GOSR2: variants seen among roughly 807,000 people sequenced by gnomAD.
The protein encoded by GOSR2 is golgi SNAP receptor complex member 2, also known as 27 kDa Golgi SNARE protein.
GOSR2 carries 20 observed loss-of-function variants against 27.9 expected under a neutral mutation model. That is an observed-to-expected ratio of 0.72 (90% CI 0.50 to 1.04). The LOEUF (loss-of-function observed/expected upper bound fraction) is 1.04. GOSR2 is among the 50% of genes least tolerant of loss of function. The pLI is 0.00. For missense variants in GOSR2, 261 were observed against 270.5 expected (o/e 0.97, Z 0.25); for synonymous variants, 91 against 98.8 (o/e 0.92, Z 0.47).
chr17:46,954,412 A>G (rs1186576512), intron 6 of GOSR2, among the ~76,000 whole-genome samples: 1 of 152,220 alleles, frequency 6.6e-6, no homozygotes, highest in Non-Finnish European at 1.5e-5. Context: ...TGTTGGTACC[A>G]GTACCATGCT....
At chr17:46,927,470 C>T (rs1335309975) in intron 1 of GOSR2, among the ~76,000 whole-genome samples, 2 of 152,050 alleles carry the variant, frequency 1.3e-5, no homozygotes, top group African/African-American at 4.8e-5. Flanking sequence ...TTCTGTAACC[C>T]GAGGTCATTT....
downstream of GOSR2, chr17:46,968,718 A>C (rs750267797): frequency 6.6e-6 from 1 of 152,432 alleles, no homozygotes; most frequent in Admixed American, 6.5e-5. Flanking sequence ...GCACCTCTAC[A>C]ATGGCCATGC....
At position 46,932,199 on chromosome 17, in the gene GOSR2, C is replaced by T. The variant is rs755211944; in HGVS notation, c.336C>T (p.Asn112=). The T allele has an allele frequency of 9.9e-6, 16 of 1,614,026 alleles. No individual in the cohort carries two copies. Among genetic ancestry groups the T allele is most frequent in the East Asian group, 4.5e-5 (2 of 44,886 alleles). Reference sequence around the variant, plus strand: ...TTCTGTCTCGAACCTTCACCACTAACGTAAGCCAGGCCCGTGGTGAGGGTC... The same window carrying T: ...TTCTGTCTCGAACCTTCACCACTAATGTAAGCCAGGCCCGTGGTGAGGGTC... The part of the protein sequence containing the change: ...EELLSRTFTT[N]DSDTTIPMDE... Residue 112 remains asparagine, a splice_region_variant and synonymous_variant, in exon 4 of 6, where the codon AAC becomes AAT. Coordinates refer to ENST00000640051, the MANE Select transcript of GOSR2 (RefSeq NM_004287.5).
chr17:46,941,449 A>T lies in GOSR2; in HGVS notation c.*2689A>T. 1 of 983,990 alleles carries T rather than the reference A, an allele frequency of 1.0e-6. No individual in the cohort carries two copies. The highest frequency in any genetic ancestry group is 1.7e-5 in the African/African-American group (1 of 57,328). The allele number at this position is 983,990 out of a possible 1,614,324, so 61.0% of individuals were successfully genotyped here. ...GTTTCTAGGCCAGAGATTCTCAAACACTGCTCCATGGCCAGGGGCTGGGCT... is the reference window on the plus strand; with the variant it reads ...GTTTCTAGGCCAGAGATTCTCAAACTCTGCTCCATGGCCAGGGGCTGGGCT... On this transcript the variant is annotated 3_prime_UTR_variant, in exon 6 of 6. Transcript: ENST00000640051.
In GOSR2 at chr17:46,940,366, A is replaced by T; in HGVS notation, c.*1606A>T. ...TGGGTTGGGGCCCTGCCAGAGTTAAAGCAGTGACTGGAGGGTGGACTGGGG... is the reference window on the plus strand; with the variant it reads ...TGGGTTGGGGCCCTGCCAGAGTTAATGCAGTGACTGGAGGGTGGACTGGGG... On this transcript the variant is annotated 3_prime_UTR_variant, in exon 6 of 6. Transcript: ENST00000640051. 1.3e-6 allele frequency: 2 copies of T among 1,503,186 alleles called. No homozygotes were observed. Among genetic ancestry groups the T allele is most frequent in the South Asian group, 2.6e-5 (2 of 78,190 alleles). The allele number at this position is 1,503,186 out of a possible 1,614,324, so 93.1% of individuals were successfully genotyped here.
chr17:46,974,497 G>A lies in GOSR2; in HGVS notation c.616-702G>A, dbSNP rs2091426093. The stretch of plus-strand genomic sequence containing the variant: ...CGCCTGTAATCCCAGCACTTTGGGA[G>A]GCCGAGGCGGGTGGATCACAAGGTC... On this transcript the variant is annotated intron_variant, in intron 6 of 6. Coordinates refer to the GOSR2 transcript ENST00000640723. 2.6e-5 allele frequency among the ~76,000 whole-genome samples: 4 copies of A among 152,340 alleles called. No homozygotes were observed. In the South Asian group the frequency reaches 8.3e-4, roughly 32 times the overall value.
At chr17:46,945,200 T>C (rs1445350653), downstream of GOSR2, among the ~76,000 whole-genome samples, 1 of 152,194 alleles carries the variant, frequency 6.6e-6, no homozygotes, top group African/African-American at 2.4e-5. Flanking sequence ...CAGCCCTGGC[T>C]GCTGTGGGCT....
At chr17:46,953,701 T>C (rs764184614) in intron 6 of GOSR2, among the ~76,000 whole-genome samples, 35 of 152,192 alleles carry the variant, frequency 2.3e-4, no homozygotes, top group Non-Finnish European at 4.6e-4. Flanking sequence ...CCAGCAGCTG[T>C]TGTTTCCTGA....
At chr17:46,954,848 T>C (rs1318954879) in intron 6 of GOSR2, among the ~76,000 whole-genome samples, 1 of 152,234 alleles carries the variant, frequency 6.6e-6, no homozygotes, top group Non-Finnish European at 1.5e-5. Context: ...AGAATGCTTG[T>C]GATTTTTGCA....
rs890030132 is a variant in GOSR2, at chr17:46,939,665, C to G, written c.*905C>G. ...TTCTCTTCCCTGAAATATATTAGCA[C>G]CTGCCAGCCAGGCCCTCATTTTGCC... On this transcript the variant is annotated 3_prime_UTR_variant, in exon 6 of 6. Transcript: ENST00000640051. 3 of 985,540 alleles carry G rather than the reference C, an allele frequency of 3.0e-6. No homozygotes were observed. Among genetic ancestry groups the G allele is most frequent in the Non-Finnish European group, 3.6e-6 (3 of 830,100 alleles). The allele number at this position is 985,540 out of a possible 1,614,324, so 61.0% of individuals were successfully genotyped here.
Position 46,939,030 on chromosome 17 carries a change from G to T in GOSR2, c.*270G>T. ...CTCACTCTCGCTCTCACTGGGGGAG[G>T]GAAAGAATGGCTTTGGTGGCTTTGT... On this transcript the variant is annotated 3_prime_UTR_variant, in exon 6 of 6. Coordinates refer to ENST00000640051, the MANE Select transcript of GOSR2 (RefSeq NM_004287.5). 7.8e-7 allele frequency: 1 copy of T among 1,288,750 alleles called. No homozygotes were observed. Among genetic ancestry groups the T allele is most frequent in the African/African-American group, 1.5e-5 (1 of 65,806 alleles). The allele number at this position is 1,288,750 out of a possible 1,614,324, so 79.8% of individuals were successfully genotyped here.
At chr17:46,923,344 C>T (rs1822818585) in intron 1 of GOSR2, 123 bp downstream of exon 1, 6 of 1,522,690 alleles carry the variant, frequency 3.9e-6, no homozygotes, top group Non-Finnish European at 5.3e-6. Context: ...CAGGGCACTG[C>T]TGGGGATGCC....
chr17:46,974,989 T>TTTC (rs2091433700), intron 6 of GOSR2, among the ~76,000 whole-genome samples: 4 of 13,296 alleles, frequency 3.0e-4, no homozygotes, highest in Non-Finnish European at 2.8e-4. Context: ...ACTATTTTCT[T>TTTC]TTTTTTTTTT....
intron 4 of GOSR2, among the ~76,000 whole-genome samples, chr17:46,934,651 G>A (rs16941312): frequency 0.056 from 8,567 of 152,308 alleles, 561 homozygotes; most frequent in African/African-American, 0.16. Context: ...TTAAGGGGAA[G>A]CCATGGAAAG....
chr17:46,972,443 G>A (rs2147346222), intron 6 of GOSR2, among the ~76,000 whole-genome samples: 1 of 152,342 alleles, frequency 6.6e-6, no homozygotes, highest in African/African-American at 2.4e-5. Context: ...CCCAGCAAAG[G>A]GTTGCACACT....
chr17:46,931,652 C>A, intron 3 of GOSR2: 1 of 233,702 alleles, frequency 4.3e-6, no homozygotes, highest in Non-Finnish European at 7.8e-6. Context: ...ACCACCCTTG[C>A]CACCTCCACC....
In GOSR2 at chr17:46,935,145, G is replaced by C. The variant is rs149495087; in HGVS notation, c.453G>C (p.Leu151=). The C allele has an allele frequency of 5.6e-6, 9 of 1,614,022 alleles. No individual in the cohort carries two copies. The highest frequency in any genetic ancestry group is 7.6e-6 in the Non-Finnish European group (9 of 1,179,952). The change falls in exon 5 of 6, where the codon CTG becomes CTC. Residue 151 remains leucine, a synonymous_variant. Transcript: ENST00000640051. ...ILDGHNILDG[L]RTQRLTLKGT... is the part of the protein sequence containing the mutation. Reference sequence around the variant, plus strand: ...ATGGGCACAATATTTTAGATGGACTGAGGACCCAGAGACTGACCTTGAAGG... The same window carrying C: ...ATGGGCACAATATTTTAGATGGACTCAGGACCCAGAGACTGACCTTGAAGG...
At position 46,941,279 on chromosome 17, in the gene GOSR2, G is replaced by T. The variant is rs554685692; in HGVS notation, c.*2519G>T. The T allele has an allele frequency of 5.1e-6, 5 of 985,862 alleles. No homozygotes were observed. The African/African-American group carries it at 8.7e-5, about 17-fold the overall frequency. 61.1% of individuals were successfully genotyped at this position (985,862 alleles called of 1,614,324 possible). ...ACCCTTTGCCCTGATGAATTTGAAT[G>T]GGTTTGATTTGCAAATTTGGATTTA... On this transcript the variant is annotated 3_prime_UTR_variant, in exon 6 of 6. Transcript: ENST00000640051.
chr17:46,937,551 A>G (rs2088601503), intron 5 of GOSR2: 1 of 152,176 alleles, frequency 6.6e-6, no homozygotes, highest in Non-Finnish European at 1.5e-5. Context: ...GGCCCGGACC[A>G]TTTCACCTCT....
Sources: gnomAD v4.1 joint callset for allele counts (sites outside exome capture counted in the v4.1 genomes callset) on GRCh38, gnomAD v4.1.1 for gene constraint, MANE v1.5 for transcripts, NCBI Gene and HGNC (gene_info 2026-07-23, HGNC 2026-07-21) for gene names.